The following ABCA6 variants were observed in gnomAD, a reference collection of about 807,000 sequenced individuals.
The protein encoded by ABCA6 is ATP-binding cassette sub-family A member 6.
Under a neutral mutation model 191.2 loss-of-function variants are expected in ABCA6, and 164 were observed. The ratio of observed to expected loss-of-function variants is 0.86; its 90% CI spans 0.76 to 0.98. The LOEUF is 0.98. ABCA6 is among the 50% of genes least tolerant of loss of function. The pLI is 0.00. For missense variants in ABCA6, 1,958 were observed against 1,894.1 expected (o/e 1.03, Z -0.63); for synonymous variants, 636 against 647.7 (o/e 0.98, Z 0.27).
intron 30 of ABCA6, 95 bp from the exon 31 acceptor site, chr17:69,085,811 T>C: frequency 1.3e-6 from 1 of 799,400 alleles, no homozygotes; most frequent in Non-Finnish European, 2.1e-6. Context: ...TTCTGCACCC[T>C]TCAGTTAGTA....
intron 16 of ABCA6, 57 bp downstream of exon 16, chr17:69,112,126 T>A: frequency 7.8e-7 from 1 of 1,277,348 alleles, no homozygotes; most frequent in South Asian, 1.2e-5. Context: ...ATTGTCCACC[T>A]TTTTCATATA....
intron 3 of ABCA6, 91 bp from the exon 4 acceptor site, chr17:69,136,341 C>A: frequency 2.0e-6 from 2 of 992,914 alleles, no homozygotes; most frequent in South Asian, 2.8e-5. Flanking sequence ...CATATAATTT[C>A]ATTAGACTTA....
At chr17:69,116,109 G>A (rs1315002912) in intron 11 of ABCA6, among the ~76,000 whole-genome samples, 3 of 152,148 alleles carry the variant, frequency 2.0e-5, no homozygotes, top group East Asian at 3.9e-4. Context: ...CACCCACTTC[G>A]GGATTTACAG....
chr17:69,113,063 G>C (rs553835083), intron 15 of ABCA6, 159 bp downstream of exon 15: 1 of 733,130 alleles, frequency 1.4e-6, no homozygotes, highest in East Asian at 3.4e-5. Flanking sequence ...CAACCAGAAA[G>C]GAATTCCACA....
chr17:69,082,592 G>C (rs1352318101), intron 36 of ABCA6, among the ~76,000 whole-genome samples: 2 of 152,138 alleles, frequency 1.3e-5, no homozygotes, highest in African/African-American at 4.8e-5. Flanking sequence ...GTGTGGGTTT[G>C]AGTCATTAGA....
At chr17:69,108,018 T>G in intron 17 of ABCA6, 1 of 476,928 alleles carries the variant, frequency 2.1e-6, no homozygotes, top group South Asian at 2.6e-5. Context: ...ATCCTCAAAC[T>G]GTCTCACTTC....
chr17:69,096,505 C>T (rs535995061), intron 24 of ABCA6, 123 bp downstream of exon 24: 12 of 866,952 alleles, frequency 1.4e-5, no homozygotes, highest in Admixed American at 3.8e-5. Flanking sequence ...ATGCACTTTG[C>T]ATGTTTTTTG....
At chr17:69,135,902 A>G (rs989485529) in intron 4 of ABCA6, 190 bp downstream of exon 4, 1 of 607,680 alleles carries the variant, frequency 1.6e-6, no homozygotes, top group Non-Finnish European at 2.9e-6. Flanking sequence ...TATATGTTGG[A>G]TGACTCTACA....
chr17:69,135,662 T>G, intron 4 of ABCA6: 1 of 242,318 alleles, frequency 4.1e-6, no homozygotes, highest in Non-Finnish European at 7.8e-6. Flanking sequence ...ACCTCACACC[T>G]GCTATTCATT....
rs117681076 is a variant in ABCA6 at position 69,122,105 on chromosome 17, G to A, written c.1436+1134C>T. ...GTTAAGAGCATAGACTGTAGAGCCA[G>A]ACTATCTGGATTACAATTCCAGTTC... On this transcript the variant is annotated intron_variant, in intron 10 of 38. Transcript: ENST00000284425. Among the ~76,000 whole-genome samples, 28 of 152,154 alleles carry A rather than the reference G, an allele frequency of 1.8e-4. 1 individual carries two copies. The East Asian group carries it at 5.2e-3, about 28-fold the overall frequency.
At chr17:69,131,469 A>G (rs2073860553) in intron 6 of ABCA6, among the ~76,000 whole-genome samples, 1 of 152,206 alleles carries the variant, frequency 6.6e-6, no homozygotes, top group South Asian at 2.1e-4. Context: ...GAAAATTACA[A>G]ATGAAAGAAA....
intron 25 of ABCA6, among the ~76,000 whole-genome samples, chr17:69,092,266 C>T (rs1174175283): frequency 6.6e-6 from 1 of 152,294 alleles, no homozygotes; most frequent in East Asian, 1.9e-4. Flanking sequence ...TTGCTAAATT[C>T]ACTGAATATT....
chr17:69,102,661 T>A (rs1288591134), intron 21 of ABCA6, among the ~76,000 whole-genome samples, 174 bp downstream of exon 21: 1 of 152,128 alleles, frequency 6.6e-6, no homozygotes, highest in Non-Finnish European at 1.5e-5. Context: ...AAAACAAAAC[T>A]AAGATAGAAA....
chr17:69,085,287 A>G lies in ABCA6; in HGVS notation c.4030-105T>C, dbSNP rs566439343. 51 of 1,040,764 alleles carry G rather than the reference A, an allele frequency of 4.9e-5. No homozygotes were observed. The Admixed American group carries it at 1.6e-3, about 32-fold the overall frequency. The allele number at this position is 1,040,764 out of a possible 1,614,324, so 64.5% of individuals were successfully genotyped here. On this transcript the variant is annotated intron_variant, in intron 31 of 38. Coordinates refer to ENST00000284425, the MANE Select transcript of ABCA6 (RefSeq NM_080284.3). ...AGCGTCTAAATTGTTTAAGCATCAA[A>G]TAAATACTATAGAAATTACTTCATA...
At chr17:69,095,411 A>G (rs1485366020) in intron 25 of ABCA6, 1 of 152,278 alleles carries the variant, frequency 6.6e-6, no homozygotes, top group Non-Finnish European at 1.5e-5. Flanking sequence ...TAGCCCAGAG[A>G]AGTCAAACCC....
rs372472516 is a variant in ABCA6 at position 69,100,884 on chromosome 17, T to C, written c.2925A>G (p.Pro975=). The change falls in exon 22 of 39, where the codon CCA becomes CCG. Residue 975 remains proline (P), a synonymous_variant. Coordinates refer to ENST00000284425, the MANE Select transcript of ABCA6 (RefSeq NM_080284.3). ...CATTGCTGATAATATTCATAAGAAT[T>C]GGAAAACAGTGCAATCTCTTGGTAT... is the stretch of plus-strand genomic sequence containing the variant. ...VCNTKRLHCF[P]ILMNIISNGL... is the part of the protein sequence containing the mutation. The C allele has an allele frequency of 2.5e-6, 4 of 1,609,528 alleles. No homozygotes were observed. The highest frequency in any genetic ancestry group is 3.4e-6 in the Non-Finnish European group (4 of 1,176,708).
At chr17:69,101,009 T>C (rs1303589213) in intron 21 of ABCA6, 75 bp from the exon 22 acceptor site, 2 of 1,263,526 alleles carry the variant, frequency 1.6e-6, no homozygotes, top group African/African-American at 1.5e-5. Flanking sequence ...GTATAAAAGA[T>C]CCTAACAGTG....
intron 6 of ABCA6, among the ~76,000 whole-genome samples, chr17:69,132,977 C>T (rs1430104602): frequency 6.6e-6 from 1 of 152,088 alleles, no homozygotes; most frequent in African/African-American, 2.4e-5. Context: ...TGTATGTGTA[C>T]ACGCACTCAT....
At position 69,113,272 on chromosome 17, in the gene ABCA6, T is replaced by C. The variant is rs149938879; in HGVS notation, c.1991A>G (p.His664Arg). 7.7e-5 allele frequency: 124 copies of C among 1,605,610 alleles called. No individual in the cohort carries two copies. The African/African-American group carries it at 1.4e-3, about 19-fold the overall frequency. ...GGACTGGGTACTGAAAAGGATCACA[T>C]GATCTGCTCTACGCTCTCTCAGGAG... ...WSLLRERRAD[H>R]VILFSTQSMD... Residue 664 changes from histidine (H) to arginine (R), a missense_variant, in exon 15 of 39, where the codon CAT becomes CGT. His to Arg is a conservative substitution (Grantham distance 29). Coordinates refer to ENST00000284425, the MANE Select transcript of ABCA6 (RefSeq NM_080284.3).
Sources: allele counts gnomAD v4.1 joint callset (sites outside exome capture counted in the v4.1 genomes callset), GRCh38; gene constraint gnomAD v4.1.1; transcripts MANE v1.5; gene names NCBI Gene and HGNC (gene_info 2026-07-23, HGNC 2026-07-21).